The following ZFPM1 variants were observed in gnomAD, a reference collection of about 807,000 sequenced individuals.
The protein encoded by ZFPM1 is zinc finger protein, FOG family member 1, also known as zinc finger protein ZFPM1.
A neutral mutation model predicts 46.3 loss-of-function variants in ZFPM1; 28 were observed. That is an observed-to-expected ratio of 0.60 (90% CI 0.45 to 0.83). The LOEUF is 0.83. Ranked by LOEUF, ZFPM1 falls within the 40% of genes least tolerant of loss-of-function variation. ZFPM1 has a pLI of 0.00. For synonymous variants in ZFPM1, 957 were observed against 675.9 expected (o/e 1.42, Z -6.45); for missense variants, 1,878 against 1,432.4 (o/e 1.31, Z -5.02).
In ZFPM1 at chr16:88,525,687, C is replaced by T. The variant is rs1268857705; in HGVS notation, c.403-1127C>T. Among the ~76,000 whole-genome samples the T allele has an allele frequency of 2.6e-5, 4 of 152,146 alleles. No homozygotes were observed. The East Asian group carries it at 5.8e-4, about 22-fold the overall frequency. ...GGGACCGAGGCCTGAGGGGCAGCGG[C>T]GGTCACCCCTTCCTCCGTCACCATT... On this transcript the variant is annotated intron_variant, in intron 4 of 9. Coordinates refer to ENST00000319555, the MANE Select transcript of ZFPM1 (RefSeq NM_153813.3).
intron 3 of ZFPM1, among the ~76,000 whole-genome samples, chr16:88,506,702 C>G (rs1910679974): frequency 6.6e-6 from 1 of 151,870 alleles, no homozygotes. Context: ...AGCTCCCAGG[C>G]TCCTCTGCGC....
chr16:88,493,102 G>A (rs1909686509), intron 3 of ZFPM1, among the ~76,000 whole-genome samples: 1 of 105,166 alleles, frequency 9.5e-6, no homozygotes, highest in Admixed American at 1.1e-4. Flanking sequence ...CCGGGGTGCG[G>A]GGAGCTGTCC....
intron 3 of ZFPM1, among the ~76,000 whole-genome samples, chr16:88,493,595 G>A (rs1244634577): frequency 6.7e-6 from 1 of 149,898 alleles, no homozygotes; most frequent in East Asian, 2.0e-4. Flanking sequence ...AGCTGTCCCG[G>A]GGTAGGGAGA....
At position 88,533,253 on chromosome 16, in the gene ZFPM1, C is replaced by A; in HGVS notation, c.1295C>A (p.Ala432Asp). The stretch of plus-strand genomic sequence containing the variant: ...CCATCGCCAGGACTGGACAGAAAGG[C>A]CCTGGCCGAGGCCACCAACGGAGAG... ...PTPSPGLDRK[A>D]LAEATNGEAR... Residue 432 changes from alanine (A) to aspartate (D), a missense_variant, in exon 10 of 10, where the codon GCC (alanine) becomes GAC (aspartate). Physicochemically the swap from Ala to Asp is moderately radical, Grantham distance 126. Transcript: ENST00000319555. 2 of 1,553,560 alleles carry A rather than the reference C, an allele frequency of 1.3e-6. No individual in the cohort carries two copies. The highest frequency in any genetic ancestry group is 1.9e-5 in the Admixed American group (1 of 52,736).
chr16:88,534,741 CGCCGCCCGGCCCGCCCCCGTCCCCG>C lies in ZFPM1; in HGVS notation c.2790_2814del (p.Gly931ArgfsTer67). On this transcript the variant is annotated frameshift_variant, in exon 10 of 10. Transcript: ENST00000319555. LOFTEE classifies it low-confidence loss of function (END_TRUNC). The stretch of plus-strand genomic sequence containing the variant: ...GGCCTCGGCCCGGAGCCCCAGGAGC[CGCCGCCCGGCCCGCCCCCGTCCCCG>C]GCCGCCGCGCCCGAGGCCGTGCCGC... 2 of 993,556 alleles carry C rather than the reference CGCCGCCCGGCCCGCCCCCGTCCCCG, an allele frequency of 2.0e-6. No homozygotes were observed. The highest frequency in any genetic ancestry group is 1.0e-4 in the East Asian group (1 of 9,530). 61.5% of individuals were successfully genotyped at this position (993,556 alleles called of 1,614,324 possible). A position where few individuals can be genotyped will look rare whatever the true frequency, so the allele number is the denominator to read the frequency against.
intron 3 of ZFPM1, among the ~76,000 whole-genome samples, chr16:88,498,115 G>C (rs2142394154): frequency 6.6e-6 from 1 of 152,290 alleles, no homozygotes; most frequent in African/African-American, 2.4e-5. Context: ...CCTGGGGTCA[G>C]CTCCAGAGAC....
At chr16:88,490,033 T>C (rs2142379241) in intron 3 of ZFPM1, among the ~76,000 whole-genome samples, 1 of 151,360 alleles carries the variant, frequency 6.6e-6, no homozygotes, top group East Asian at 1.9e-4. Flanking sequence ...CAGATGCATG[T>C]ACAGATGCAG....
intron 3 of ZFPM1, among the ~76,000 whole-genome samples, chr16:88,493,634 G>A (rs577704704): frequency 2.9e-5 from 3 of 102,326 alleles, no homozygotes; most frequent in African/African-American, 5.8e-5. Context: ...GAGCTGTCCC[G>A]GGGTGCGGTG....
At chr16:88,488,688 G>C (rs894755585) in intron 2 of ZFPM1, among the ~76,000 whole-genome samples, 1 of 152,208 alleles carries the variant, frequency 6.6e-6, no homozygotes, top group African/African-American at 2.4e-5. Context: ...CCTGGTGGAG[G>C]GGCCCCCAGC....
intron 5 of ZFPM1, 134 bp downstream of exon 5, chr16:88,527,050 G>C: frequency 7.2e-7 from 1 of 1,389,368 alleles, no homozygotes; most frequent in East Asian, 2.5e-5. Flanking sequence ...GCTGGCCCCG[G>C]GCGCTGCAGC....
In ZFPM1 at chr16:88,533,369, G is replaced by T; in HGVS notation, c.1411G>T (p.Glu471Ter). 1 of 1,529,880 alleles carries T rather than the reference G, an allele frequency of 6.5e-7. No homozygotes were observed. Among genetic ancestry groups the T allele is most frequent in the Non-Finnish European group, 8.7e-7 (1 of 1,143,858 alleles). The allele number at this position is 1,529,880 out of a possible 1,614,324, so 94.8% of individuals were successfully genotyped here. ...CAAGGTGGAGGCGGTGGAGGAGCCG[G>T]AGGCGGCCCCCATCCTGGGCCCCGG... The part of the protein sequence containing the change: ...SIKVEAVEEP[E>*]AAPILGPGEP... Residue 471 changes from glutamate to a stop codon, truncating the protein, a stop_gained, in exon 10 of 10, where the codon GAG (glutamate) becomes TAG (stop). Coordinates refer to ENST00000319555, the MANE Select transcript of ZFPM1 (RefSeq NM_153813.3). LOFTEE classifies it low-confidence loss of function (END_TRUNC).
intron 3 of ZFPM1, among the ~76,000 whole-genome samples, chr16:88,491,122 C>CTGG (rs1037497941): frequency 1.3e-5 from 2 of 152,124 alleles, no homozygotes; most frequent in African/African-American, 4.8e-5. Context: ...CAGTCAGGTG[C>CTGG]TGGTGCCTCA....
At chr16:88,481,433 G>A (rs1003436917) in intron 1 of ZFPM1, among the ~76,000 whole-genome samples, 23 of 41,000 alleles carry the variant, frequency 5.6e-4, no homozygotes, top group Non-Finnish European at 9.0e-4. Flanking sequence ...CCCCACCACC[G>A]CTGCCTCCTC....
chr16:88,488,158 A>G (rs1349962408), intron 2 of ZFPM1, among the ~76,000 whole-genome samples: 1 of 152,212 alleles, frequency 6.6e-6, no homozygotes, highest in East Asian at 1.9e-4. Flanking sequence ...TGCCGCACGC[A>G]GGTGCCGCCG....
chr16:88,498,939 G>C (rs1376460915), intron 3 of ZFPM1, among the ~76,000 whole-genome samples: 1 of 152,166 alleles, frequency 6.6e-6, no homozygotes, highest in Non-Finnish European at 1.5e-5. Flanking sequence ...AGGCCTGGGT[G>C]GGGGCTGCAC....
chr16:88,488,751 G>A (rs1375759005), intron 2 of ZFPM1, among the ~76,000 whole-genome samples: 2 of 152,216 alleles, frequency 1.3e-5, no homozygotes, highest in African/African-American at 4.8e-5. Context: ...CTGCTGGCCG[G>A]GACAGGCCAG....
chr16:88,507,630 G>A (rs549774207), intron 3 of ZFPM1, among the ~76,000 whole-genome samples: 224 of 152,326 alleles, frequency 1.5e-3, no homozygotes, highest in Non-Finnish European at 2.7e-3. Flanking sequence ...CTACAGGCCT[G>A]AGAACACCAG....
rs1420360148 is a variant in ZFPM1 at position 88,534,103 on chromosome 16, C to T, written c.2145C>T (p.Arg715=). ...YCASRHDPPP[R]RPAAPPGPPG... Reference sequence around the variant, plus strand: ...CCTCGCGCCACGACCCGCCGCCGCGCCGACCGGCCGCGCCCCCGGGACCCC... The same window carrying T: ...CCTCGCGCCACGACCCGCCGCCGCGTCGACCGGCCGCGCCCCCGGGACCCC... The change falls in exon 10 of 10, where the codon CGC becomes CGT. Residue 715 remains arginine, a synonymous_variant. Transcript: ENST00000319555. 48 of 1,176,866 alleles carry T rather than the reference C, an allele frequency of 4.1e-5. No homozygotes were observed. Among genetic ancestry groups the T allele is most frequent in the Non-Finnish European group, 5.1e-5 (48 of 932,464 alleles). The allele number at this position is 1,176,866 out of a possible 1,614,324, so 72.9% of individuals were successfully genotyped here. A position where few individuals can be genotyped will look rare whatever the true frequency, so the allele number is the denominator to read the frequency against.
chr16:88,457,693 G>A lies in ZFPM1; in HGVS notation c.40+4015G>A, dbSNP rs778735476. 1.1e-4 allele frequency among the ~76,000 whole-genome samples: 16 copies of A among 150,828 alleles called. 1 individual carries two copies. Among genetic ancestry groups the A allele is most frequent in the Admixed American group, 4.0e-4 (6 of 15,164 alleles). On this transcript the variant is annotated intron_variant, in intron 1 of 9. Transcript: ENST00000319555. ...CAAAATAGACATGGAGTCTCACTAC[G>A]TTGCCCAGGCTGGTCTTGAACTCCT...
Sources: gnomAD v4.1 joint callset for allele counts (sites outside exome capture counted in the v4.1 genomes callset) on GRCh38, gnomAD v4.1.1 for gene constraint, MANE v1.5 for transcripts, NCBI Gene and HGNC (gene_info 2026-07-23, HGNC 2026-07-21) for gene names.